The following GRAMD4 variants were observed in gnomAD, a reference collection of about 807,000 sequenced individuals.
The protein encoded by GRAMD4 is GRAM domain containing 4.
GRAMD4 carries 25 observed loss-of-function variants against 83.9 expected under a neutral mutation model. The ratio of observed to expected loss-of-function variants is 0.30; its 90% CI spans 0.22 to 0.42. The LOEUF is 0.42. Ranked by LOEUF, GRAMD4 falls within the 10% of genes least tolerant of loss-of-function variation. The pLI is 1.00. For missense variants in GRAMD4, 593 were observed against 788.7 expected (o/e 0.75, Z 2.97); for synonymous variants, 336 against 320.9 (o/e 1.05, Z -0.50).
chr22:46,601,323 G>T lies in GRAMD4; in HGVS notation c.-50+24033G>T, dbSNP rs140684574. On this transcript the variant is annotated intron_variant, in intron 1 of 1. Coordinates refer to the GRAMD4 transcript ENST00000431155. Reference sequence around the variant, plus strand: ...GTGGGAAAGGCAAGCAGCATTTTAGGATTATCACTGGAATAGTTTCGACCT... The same window carrying T: ...GTGGGAAAGGCAAGCAGCATTTTAGTATTATCACTGGAATAGTTTCGACCT... Among the ~76,000 whole-genome samples, 453 of 152,162 alleles carry T rather than the reference G, an allele frequency of 3.0e-3. 3 individuals are homozygous for T. The highest frequency in any genetic ancestry group is 0.011 in the African/African-American group (443 of 41,510).
intron 1 of GRAMD4, among the ~76,000 whole-genome samples, chr22:46,588,351 C>T (rs570032425): frequency 1.6e-4 from 25 of 152,326 alleles, no homozygotes; most frequent in African/African-American, 5.8e-4. Context: ...TCTTCCATCC[C>T]TCCAGGCAGC....
chr22:46,666,179 C>T (rs6008946), intron 9 of GRAMD4, among the ~76,000 whole-genome samples: 2,413 of 152,310 alleles, frequency 0.016, 69 homozygotes, highest in African/African-American at 0.055. Flanking sequence ...TCAGGGCTCT[C>T]GTGTCACCCC....
At chr22:46,609,164 T>C (rs545553628) in intron 1 of GRAMD4, among the ~76,000 whole-genome samples, 3 of 152,066 alleles carry the variant, frequency 2.0e-5, no homozygotes, top group South Asian at 4.1e-4. Flanking sequence ...TTTTCTTGGC[T>C]CTTGGGTTTT....
intron 1 of GRAMD4, among the ~76,000 whole-genome samples, chr22:46,581,758 T>G (rs1042997575): frequency 2.0e-5 from 3 of 152,092 alleles, no homozygotes; most frequent in Non-Finnish European, 4.4e-5. Flanking sequence ...GTGGTAGAGG[T>G]GGGTTTGGAC....
intron 1 of GRAMD4, among the ~76,000 whole-genome samples, chr22:46,580,163 G>A (rs182942952): frequency 5.9e-5 from 9 of 152,346 alleles, no homozygotes; most frequent in African/African-American, 1.7e-4. Flanking sequence ...GTGAATTGAG[G>A]GAGAGAAGCT....
intron 17 of GRAMD4, 53 bp downstream of exon 17, chr22:46,675,605 CAG>C (rs2082585183): frequency 8.5e-7 from 1 of 1,170,114 alleles, no homozygotes; most frequent in East Asian, 2.3e-5. Context: ...CGTCACCTGA[CAG>C]AGGCTGGCGA....
At chr22:46,644,339 T>C (rs62233621) in intron 3 of GRAMD4, among the ~76,000 whole-genome samples, 138,038 of 151,552 alleles carry the variant, frequency 0.91, 62,957 homozygotes, top group East Asian at 1. Flanking sequence ...TACACCTGTT[T>C]CTGTTCCGTG....
At chr22:46,580,700 C>T (rs910464489) in intron 1 of GRAMD4, among the ~76,000 whole-genome samples, 2 of 152,234 alleles carry the variant, frequency 1.3e-5, no homozygotes, top group Admixed American at 6.5e-5. Flanking sequence ...CGCGCTGGCT[C>T]ACGCCTGTAA....
chr22:46,614,575 G>A (rs2079334590), intron 1 of GRAMD4, among the ~76,000 whole-genome samples: 1 of 152,240 alleles, frequency 6.6e-6, no homozygotes, highest in South Asian at 2.1e-4. Context: ...CATCCGTGTG[G>A]TGCTCATTGG....
intron 1 of GRAMD4, among the ~76,000 whole-genome samples, chr22:46,580,235 C>T (rs974773219): frequency 6.6e-6 from 1 of 152,204 alleles, no homozygotes; most frequent in African/African-American, 2.4e-5. Context: ...AGCAGCGTCT[C>T]TTGCCTGGCT....
chr22:46,610,376 C>T (rs138520), intron 1 of GRAMD4, among the ~76,000 whole-genome samples: 119,963 of 152,136 alleles, frequency 0.79, 48,198 homozygotes, highest in East Asian at 1. Context: ...TGACAGCCCA[C>T]GGACCACACA....
At chr22:46,651,953 G>A (rs2082172485) in intron 3 of GRAMD4, among the ~76,000 whole-genome samples, 1 of 152,162 alleles carries the variant, frequency 6.6e-6, no homozygotes, top group African/African-American at 2.4e-5. Flanking sequence ...CCCAAGGACT[G>A]CCAGGGGCAG....
chr22:46,635,106 CG>C (rs1446795627), intron 2 of GRAMD4, among the ~76,000 whole-genome samples: 1 of 119,120 alleles, frequency 8.4e-6, no homozygotes. Flanking sequence ...TCCCTGCCCC[CG>C]CCCCCAGCCA....
At chr22:46,643,116 C>CATTCATTT (rs2082001780) in intron 3 of GRAMD4, among the ~76,000 whole-genome samples, 1 of 144,890 alleles carries the variant, frequency 6.9e-6, no homozygotes, top group African/African-American at 2.5e-5. Context: ...TCCATCCATC[C>CATTCATTT]ATCCATGCAT....
At chr22:46,669,742 A>C (rs905765156) in intron 13 of GRAMD4, among the ~76,000 whole-genome samples, 17 of 151,246 alleles carry the variant, frequency 1.1e-4, no homozygotes, top group Admixed American at 2.0e-4. Flanking sequence ...CGCCCAGCTA[A>C]TTTTTTTTGT....
At chr22:46,618,567 C>T (rs1048346620), upstream of GRAMD4, among the ~76,000 whole-genome samples, 2 of 152,074 alleles carry the variant, frequency 1.3e-5, no homozygotes, top group African/African-American at 2.4e-5. This position sits in a 1 kb window ranked among gnomAD's most constrained non-coding sequence, Gnocchi z 5.8. Flanking sequence ...CGTGTTGACC[C>T]GGGTGCGTGG....
intron 3 of GRAMD4, among the ~76,000 whole-genome samples, chr22:46,654,188 A>G (rs1342720827): frequency 2.0e-5 from 3 of 152,138 alleles, no homozygotes; most frequent in Non-Finnish European, 4.4e-5. Flanking sequence ...GGAGGGCAGC[A>G]TCCATCTCAG....
Position 46,605,798 on chromosome 22 carries a change from G to A in GRAMD4, c.-49-20953G>A, listed in dbSNP as rs58153324. Among the ~76,000 whole-genome samples the A allele has an allele frequency of 1.5e-4, 13 of 88,354 alleles. No homozygotes were observed. The East Asian group carries it at 3.6e-3, about 24-fold the overall frequency. The allele number at this position is 88,354 out of a possible 152,430, so 58.0% of individuals were successfully genotyped here. On this transcript the variant is annotated intron_variant, in intron 1 of 1. Transcript: ENST00000431155. ...AGCATCTCTGCATGGGCCTATGGCC[G>A]GTGCTGAGCATCTCTGCATGGGTTT...
chr22:46,583,484 G>C (rs925593715), intron 1 of GRAMD4, among the ~76,000 whole-genome samples: 1 of 152,164 alleles, frequency 6.6e-6, no homozygotes, highest in African/African-American at 2.4e-5. Context: ...ATGACATCTA[G>C]CTGTCATGTC....
Sources: allele counts gnomAD v4.1 joint callset (sites outside exome capture counted in the v4.1 genomes callset), GRCh38; gene constraint gnomAD v4.1.1; non-coding constraint Gnocchi (gnomAD v3.1); transcripts MANE v1.5; gene names NCBI Gene and HGNC (gene_info 2026-07-23, HGNC 2026-07-21).